SUGCT: variants seen among roughly 807,000 people sequenced by gnomAD.
SUGCT encodes succinyl-CoA:glutarate-CoA transferase.
SUGCT carries 41 observed loss-of-function variants against 55.0 expected under a neutral mutation model. The observed-to-expected ratio is 0.74, with a 90% CI of 0.58 to 0.97. SUGCT has a LOEUF of 0.97. SUGCT is among the 50% of genes least tolerant of loss of function. The pLI, the probability that SUGCT is intolerant of heterozygous loss-of-function variation, is 0.00. For missense variants in SUGCT, 568 were observed against 547.8 expected (o/e 1.04, Z -0.37); for synonymous variants, 187 against 200.4 (o/e 0.93, Z 0.56).
intron 7 of SUGCT, among the ~76,000 whole-genome samples, chr7:40,249,624 G>A (rs1790220133): frequency 6.6e-6 from 1 of 151,460 alleles, no homozygotes; most frequent in Non-Finnish European, 1.5e-5. Context: ...TAACAAAAGA[G>A]GTTAAATAGT....
intron 8 of SUGCT, among the ~76,000 whole-genome samples, chr7:40,285,005 A>G (rs1793224908): frequency 6.6e-6 from 1 of 152,190 alleles, no homozygotes; most frequent in African/African-American, 2.4e-5. Context: ...GCATATTTTT[A>G]TATGATATGA....
intron 8 of SUGCT, among the ~76,000 whole-genome samples, chr7:40,276,157 T>G (rs1187514204): frequency 6.6e-6 from 1 of 152,230 alleles, no homozygotes; most frequent in African/African-American, 2.4e-5. Context: ...TACATAACAG[T>G]AGCTTCGAGT....
intron 12 of SUGCT, among the ~76,000 whole-genome samples, chr7:40,529,441 C>T (rs978586613): frequency 2.0e-5 from 3 of 152,224 alleles, no homozygotes; most frequent in Non-Finnish European, 4.4e-5. Context: ...ATGCAGAGAA[C>T]TCACCAACAG....
chr7:40,305,591 C>G (rs1794808416), intron 8 of SUGCT, among the ~76,000 whole-genome samples: 1 of 152,132 alleles, frequency 6.6e-6, no homozygotes, highest in Non-Finnish European at 1.5e-5. Flanking sequence ...CTCATTGTCT[C>G]CATCTTGCTT....
At chr7:40,946,222 C>A in the SUGCT span, among the ~76,000 whole-genome samples, 1 of 151,822 alleles carries the variant, frequency 6.6e-6, no homozygotes, top group Non-Finnish European at 1.5e-5. Flanking sequence ...TTTATACTAC[C>A]TAGGGAAAGT....
chr7:40,240,477 C>CG (rs1242652122), intron 7 of SUGCT, among the ~76,000 whole-genome samples: 1 of 150,042 alleles, frequency 6.7e-6, no homozygotes, highest in Non-Finnish European at 1.5e-5. Flanking sequence ...GAGCGAAACT[C>CG]CATCTCCAAA....
chr7:40,933,566 A>G, the SUGCT span, among the ~76,000 whole-genome samples: 1 of 152,210 alleles, frequency 6.6e-6, no homozygotes, highest in Non-Finnish European at 1.5e-5. Context: ...ACTTTCAGGT[A>G]TACCAATTAA....
chr7:40,835,567 T>G (rs1458551865), intron 13 of SUGCT, among the ~76,000 whole-genome samples: 4 of 152,220 alleles, frequency 2.6e-5, no homozygotes, highest in Non-Finnish European at 5.9e-5. Flanking sequence ...CTGTAAAGGA[T>G]CTACATAAAA....
At chr7:40,676,087 C>T (rs752978457) in intron 12 of SUGCT, among the ~76,000 whole-genome samples, 26 of 151,940 alleles carry the variant, frequency 1.7e-4, no homozygotes, top group Admixed American at 1.4e-3. Flanking sequence ...ATGTGGGAGC[C>T]GGAAACAGGA....
At chr7:40,289,092 G>A (rs1460965564) in intron 8 of SUGCT, among the ~76,000 whole-genome samples, 2 of 152,056 alleles carry the variant, frequency 1.3e-5, no homozygotes, top group Non-Finnish European at 1.5e-5. Flanking sequence ...AGATGTCAAC[G>A]TCCTTATCCC....
chr7:41,023,534 A>T, the SUGCT span, among the ~76,000 whole-genome samples: 1 of 152,318 alleles, frequency 6.6e-6, no homozygotes, highest in Non-Finnish European at 1.5e-5. Flanking sequence ...GCAAGATAAC[A>T]ATCCTGAATC....
At chr7:40,898,458 T>TAC in the SUGCT span, among the ~76,000 whole-genome samples, 1 of 102,598 alleles carries the variant, frequency 9.7e-6, no homozygotes, top group Non-Finnish European at 1.8e-5. Flanking sequence ...CTCACGCCTG[T>TAC]AATCCCAGCA....
the SUGCT span, among the ~76,000 whole-genome samples, chr7:40,908,725 T>A: frequency 1.1e-4 from 16 of 152,140 alleles, no homozygotes; most frequent in African/African-American, 3.1e-4. Flanking sequence ...TAATATTGAA[T>A]CAGGGAATTG....
intron 12 of SUGCT, among the ~76,000 whole-genome samples, chr7:40,558,748 A>T (rs1795686701): frequency 6.6e-6 from 1 of 152,208 alleles, no homozygotes; most frequent in Non-Finnish European, 1.5e-5. Context: ...ATACTTTAAC[A>T]TGTTAAAAGT....
At chr7:40,744,957 C>G (rs1050615777) in intron 12 of SUGCT, among the ~76,000 whole-genome samples, 1 of 152,200 alleles carries the variant, frequency 6.6e-6, no homozygotes, top group Non-Finnish European at 1.5e-5. Context: ...GGAGCTTAAA[C>G]TGTGTTATAA....
chr7:40,908,072 G>C, the SUGCT span, among the ~76,000 whole-genome samples: 2 of 151,994 alleles, frequency 1.3e-5, no homozygotes, highest in Middle Eastern at 3.4e-3. Context: ...GCATCACCAG[G>C]ACAGCCATTT....
At chr7:40,210,995 A>G (rs1430876466) in intron 6 of SUGCT, among the ~76,000 whole-genome samples, 2 of 151,828 alleles carry the variant, frequency 1.3e-5, no homozygotes, top group African/African-American at 4.8e-5. Context: ...GAAATTTAGA[A>G]CTCGTATCTA....
chr7:40,665,574 G>A (rs1801583679), intron 12 of SUGCT, among the ~76,000 whole-genome samples: 1 of 152,118 alleles, frequency 6.6e-6, no homozygotes, highest in African/African-American at 2.4e-5. Context: ...GTTTTCAAGG[G>A]TGGTGAGAAC....
chr7:40,999,981 G>A, the SUGCT span, among the ~76,000 whole-genome samples: 1 of 152,172 alleles, frequency 6.6e-6, no homozygotes, highest in African/African-American at 2.4e-5. Context: ...TCATGGGTAA[G>A]TTGGCCCCAT....
Sources: allele counts gnomAD v4.1 joint callset (sites outside exome capture counted in the v4.1 genomes callset), GRCh38; gene constraint gnomAD v4.1.1; transcripts MANE v1.5; gene names NCBI Gene and HGNC (gene_info 2026-07-23, HGNC 2026-07-21).